Variants in TXNRD2 observed in about 807,000 individuals in gnomAD.
The protein encoded by TXNRD2 is thioredoxin reductase 2, also known as thioredoxin reductase 2, mitochondrial.
In TXNRD2, 67 loss-of-function variants were observed where a neutral mutation model predicts 70.8. That is an observed-to-expected ratio of 0.95 (90% CI 0.78 to 1.16). The LOEUF (loss-of-function observed/expected upper bound fraction) is 1.16, where lower values mean the gene tolerates loss of function less well. TXNRD2 is among the 50% of genes most tolerant of loss of function. The pLI, the probability that TXNRD2 is intolerant of heterozygous loss-of-function variation, is 0.00. For missense variants in TXNRD2, 644 were observed against 719.9 expected, an observed-to-expected ratio of 0.89 and a Z score of 1.21; for synonymous variants, 301 against 295.8, an observed-to-expected ratio of 1.02 and a Z score of -0.18.
Position 19,899,081 on chromosome 22 carries a change from CAGAG to C in TXNRD2, c.663-17_663-14del. ...CCCGACCACCAACCTGTTAGAGAAA[CAGAG>C]AGAGAGCACATGTAAAGCTGAGGCC... On this transcript the variant is annotated splice_polypyrimidine_tract_variant and intron_variant, in intron 8 of 17. Transcript: ENST00000400521. The C allele has an allele frequency of 6.2e-7, 1 of 1,607,430 alleles. No individual in the cohort carries two copies. The highest frequency in any genetic ancestry group is 1.1e-5 in the South Asian group (1 of 91,086).
intron 14 of TXNRD2, 21 bp from the exon 15 acceptor site, chr22:19,878,458 C>G (rs1250707247): frequency 6.2e-7 from 1 of 1,611,468 alleles, no homozygotes; most frequent in African/African-American, 1.3e-5. Context: ...GATACCAACC[C>G]TGGATCAGTG....
intron 8 of TXNRD2, among the ~76,000 whole-genome samples, chr22:19,899,999 T>C (rs142964597): frequency 6.6e-6 from 1 of 152,346 alleles, no homozygotes; most frequent in Non-Finnish European, 1.5e-5. Flanking sequence ...CCAATGTCAT[T>C]GCTAATCCCA....
intron 14 of TXNRD2, 95 bp from the exon 15 acceptor site, chr22:19,878,532 T>C (rs1601380394): frequency 1.7e-6 from 2 of 1,167,002 alleles, no homozygotes; most frequent in Admixed American, 1.7e-5. Flanking sequence ...GGCAGGGTCA[T>C]GGCGGGCAGG....
intron 2 of TXNRD2, among the ~76,000 whole-genome samples, chr22:19,930,701 G>T (rs895411468): frequency 2.6e-5 from 4 of 152,214 alleles, no homozygotes; most frequent in African/African-American, 9.6e-5. Context: ...GGACTGTCCA[G>T]AAGCACGTGA....
rs565224990 is a variant in TXNRD2 at position 19,908,554 on chromosome 22, T to C, written c.662+2823A>G. ...TCCTCCTGAACTGCTGGTGAGAATGTAAGATGGTGTGGGCGCTGTTGGGAA... is the reference window on the plus strand; with the variant it reads ...TCCTCCTGAACTGCTGGTGAGAATGCAAGATGGTGTGGGCGCTGTTGGGAA... On this transcript the variant is annotated intron_variant, in intron 8 of 17. Transcript: ENST00000400521. Among the ~76,000 whole-genome samples the C allele has an allele frequency of 2.6e-5, 4 of 151,766 alleles. No individual in the cohort carries two copies. The South Asian group carries it at 8.4e-4, about 32-fold the overall frequency.
At chr22:19,885,320 G>A (rs1938976588) in intron 11 of TXNRD2, among the ~76,000 whole-genome samples, 1 of 152,234 alleles carries the variant, frequency 6.6e-6, no homozygotes, top group Non-Finnish European at 1.5e-5. Context: ...GGACAAACCA[G>A]CTGCTGGCCG....
At chr22:19,895,205 G>C in intron 11 of TXNRD2, 1 of 1,598,240 alleles carries the variant, frequency 6.3e-7, no homozygotes, top group South Asian at 1.1e-5. Context: ...AAGGTGCTGG[G>C]GATGGCAAGA....
Position 19,917,184 on chromosome 22 carries a change from G to A in TXNRD2, c.449+959C>T, listed in dbSNP as rs1261511599. On this transcript the variant is annotated intron_variant, in intron 5 of 17. Transcript: ENST00000400521. ...CCAGCCTCCTTCTGCAGGTGGCTCC[G>A]GAGCAGGCAGTGGGCTGGGCCTGTT... Among the ~76,000 whole-genome samples, 9 of 152,198 alleles carry A rather than the reference G, an allele frequency of 5.9e-5. No individual in the cohort carries two copies. In the East Asian group the frequency reaches 9.6e-4, roughly 16 times the overall value.
intron 11 of TXNRD2, among the ~76,000 whole-genome samples, chr22:19,892,946 T>G (rs1425396741): frequency 6.6e-6 from 1 of 152,234 alleles, no homozygotes; most frequent in Non-Finnish European, 1.5e-5. Context: ...GCTGAGAACA[T>G]TGCTCTTGCT....
chr22:19,932,484 G>A (rs1941404338), intron 1 of TXNRD2: 41 of 1,597,824 alleles, frequency 2.6e-5, no homozygotes, highest in Non-Finnish European at 3.4e-5. Context: ...CCAAAAAAGG[G>A]AGGGATGGAG....
chr22:19,931,807 C>T (rs1025736615), intron 1 of TXNRD2, among the ~76,000 whole-genome samples: 1 of 152,094 alleles, frequency 6.6e-6, no homozygotes, highest in Non-Finnish European at 1.5e-5. Context: ...TGGACTAAAA[C>T]ATTCTCAAGT....
intron 7 of TXNRD2, among the ~76,000 whole-genome samples, chr22:19,911,940 T>C (rs1940430420): frequency 1.3e-5 from 2 of 151,918 alleles, no homozygotes; most frequent in African/African-American, 2.4e-5. Context: ...AGAGCTCAGG[T>C]GTGTCTGCGC....
chr22:19,915,745 C>CT lies in TXNRD2; in HGVS notation c.528+19_528+20insA. ...GCAGAAGGGTCCACAAGGAGCCACG[C>CT]GAGTAAGTCAGATGCTCACCTCTTT... is the stretch of plus-strand genomic sequence containing the variant. On this transcript the variant is annotated intron_variant, in intron 6 of 17. Transcript: ENST00000400521. 6.2e-7 allele frequency: 1 copy of CT among 1,613,496 alleles called. No homozygotes were observed. Among genetic ancestry groups the CT allele is most frequent in the Non-Finnish European group, 8.5e-7 (1 of 1,179,404 alleles).
intron 12 of TXNRD2, among the ~76,000 whole-genome samples, chr22:19,881,581 T>C (rs1233546591): frequency 6.6e-6 from 1 of 152,246 alleles, no homozygotes; most frequent in Admixed American, 6.5e-5. Context: ...GCGCCATGCA[T>C]TTCTGGCAAA....
chr22:19,901,601 G>A (rs759751961), intron 8 of TXNRD2, among the ~76,000 whole-genome samples: 1 of 152,208 alleles, frequency 6.6e-6, no homozygotes, highest in South Asian at 2.1e-4. Context: ...TGCAGGATAC[G>A]AGAATTCCAA....
In TXNRD2 at chr22:19,919,729, G is replaced by A. The variant is rs1040145291; in HGVS notation, c.173-130C>T. 13 of 773,058 alleles carry A rather than the reference G, an allele frequency of 1.7e-5. No homozygotes were observed. In the East Asian group the frequency reaches 3.7e-4, roughly 22 times the overall value. The allele number at this position is 773,058 out of a possible 1,614,324, so 47.9% of individuals were successfully genotyped here. ...CTGGGCCTGCGGCTGCCCACACAGT[G>A]GCTGAGCTGCGCAATGCTAGGGACC... On this transcript the variant is annotated intron_variant, in intron 2 of 17. Coordinates refer to ENST00000400521, the MANE Select transcript of TXNRD2 (RefSeq NM_006440.5).
chr22:19,922,228 C>T (rs1940944738), intron 2 of TXNRD2, among the ~76,000 whole-genome samples: 1 of 152,144 alleles, frequency 6.6e-6, no homozygotes, highest in South Asian at 2.1e-4. Context: ...CAGAAAAGAT[C>T]AATAAAACAG....
intron 1 of TXNRD2, 141 bp downstream of exon 1, chr22:19,941,560 C>G (rs1941715330): frequency 4.6e-6 from 6 of 1,299,076 alleles, no homozygotes; most frequent in Admixed American, 4.2e-5. Flanking sequence ...CTGAGCAAGA[C>G]TAGACCAAGA....
At chr22:19,899,277 G>A (rs887587979) in intron 8 of TXNRD2, among the ~76,000 whole-genome samples, 8 of 152,238 alleles carry the variant, frequency 5.3e-5, no homozygotes, top group African/African-American at 1.9e-4. Context: ...TCGCCTGGTG[G>A]TGAAGGGCGT....
Sources: gnomAD v4.1 joint callset for allele counts (sites outside exome capture counted in the v4.1 genomes callset) on GRCh38, gnomAD v4.1.1 for gene constraint, MANE v1.5 for transcripts, NCBI Gene and HGNC (gene_info 2026-07-23, HGNC 2026-07-21) for gene names.